The following CDS1 variants were observed in gnomAD, a reference collection of about 807,000 sequenced individuals.
CDS1 encodes the protein phosphatidate cytidylyltransferase 1.
In CDS1, 41 loss-of-function variants were observed where a neutral mutation model predicts 62.1. The observed-to-expected ratio is 0.66, with a 90% CI of 0.51 to 0.86. The LOEUF (loss-of-function observed/expected upper bound fraction) is 0.86. Among genes scored for constraint, CDS1 ranks in the 40% least tolerant of loss-of-function variants. The probability of loss-of-function intolerance (pLI) is 0.00; values close to 1 mark genes in which losing one functional copy is unlikely to be tolerated. For missense variants in CDS1, 470 were observed against 550.1 expected (o/e 0.85, Z 1.46); for synonymous variants, 185 against 192.6 (o/e 0.96, Z 0.32).
intron 3 of CDS1, among the ~76,000 whole-genome samples, chr4:84,616,648 G>A (rs949330014): frequency 2.6e-5 from 4 of 152,144 alleles, no homozygotes; most frequent in African/African-American, 9.7e-5. Context: ...TTCTCTAGAC[G>A]CTGAAAAGCT....
intron 6 of CDS1, 106 bp downstream of exon 6, chr4:84,631,983 C>T (rs1724036076): frequency 1.4e-6 from 1 of 706,642 alleles, no homozygotes; most frequent in Admixed American, 2.2e-5. Context: ...TGTTGTTTTG[C>T]ATGAATGTGA....
chr4:84,636,511 C>G (rs1470656453), intron 8 of CDS1, among the ~76,000 whole-genome samples: 1 of 152,030 alleles, frequency 6.6e-6, no homozygotes, highest in Non-Finnish European at 1.5e-5. Context: ...AAGAGCTCTT[C>G]TTTATTTTTG....
At chr4:84,647,317 TTTG>T (rs753676947) in intron 12 of CDS1, among the ~76,000 whole-genome samples, 5 of 152,180 alleles carry the variant, frequency 3.3e-5, no homozygotes, top group Non-Finnish European at 7.3e-5. Flanking sequence ...TCCTTAAAAC[TTTG>T]TTTTCAGAAT....
chr4:84,588,932 A>C (rs1722498216), intron 1 of CDS1, among the ~76,000 whole-genome samples: 1 of 152,108 alleles, frequency 6.6e-6, no homozygotes, highest in Admixed American at 6.6e-5. Flanking sequence ...AAGGCAGTTT[A>C]GTTTAGGGAA....
chr4:84,631,234 T>TC (rs1180855252), intron 5 of CDS1, among the ~76,000 whole-genome samples: 9 of 152,194 alleles, frequency 5.9e-5, no homozygotes, highest in Non-Finnish European at 1.3e-4. Flanking sequence ...AGCCCTGTGA[T>TC]CCTCAGTAAA....
chr4:84,585,466 A>G (rs1235987411), intron 1 of CDS1, among the ~76,000 whole-genome samples: 1 of 152,170 alleles, frequency 6.6e-6, no homozygotes, highest in Non-Finnish European at 1.5e-5. Context: ...GTGTATTTGA[A>G]TACACCTGTA....
intron 1 of CDS1, among the ~76,000 whole-genome samples, chr4:84,586,464 C>T (rs1045562948): frequency 6.6e-6 from 1 of 152,094 alleles, no homozygotes; most frequent in South Asian, 2.1e-4. Flanking sequence ...AGCCTAGATC[C>T]CTCGCATGTG....
chr4:84,623,194 C>T (rs1429314539), intron 5 of CDS1, among the ~76,000 whole-genome samples: 3 of 152,176 alleles, frequency 2.0e-5, no homozygotes, highest in Admixed American at 6.5e-5. Flanking sequence ...TGATTTGAGC[C>T]GGTTTCTTCC....
intron 1 of CDS1, among the ~76,000 whole-genome samples, chr4:84,600,534 T>C (rs1722904482): frequency 6.6e-6 from 1 of 152,212 alleles, no homozygotes; most frequent in African/African-American, 2.4e-5. Flanking sequence ...CAAGGTTTTT[T>C]GTTAAAATTG....
intron 11 of CDS1, among the ~76,000 whole-genome samples, chr4:84,644,489 T>A (rs1198427645): frequency 6.6e-6 from 1 of 152,236 alleles, no homozygotes; most frequent in Non-Finnish European, 1.5e-5. Flanking sequence ...AATCCAAGAT[T>A]TTTTGTTAAA....
intron 3 of CDS1, among the ~76,000 whole-genome samples, chr4:84,615,489 A>C (rs1723460632): frequency 6.7e-6 from 1 of 149,814 alleles, no homozygotes; most frequent in African/African-American, 2.5e-5. Context: ...TCTTCCAGCA[A>C]CTCCACCCTC....
chr4:84,590,153 A>G (rs867841345), intron 1 of CDS1, among the ~76,000 whole-genome samples: 5 of 152,312 alleles, frequency 3.3e-5, no homozygotes, highest in Non-Finnish European at 4.4e-5. Flanking sequence ...AGGATTGGGT[A>G]AGGGTCACAA....
intron 1 of CDS1, among the ~76,000 whole-genome samples, chr4:84,596,873 G>A (rs767305608): frequency 1.3e-5 from 2 of 152,032 alleles, no homozygotes; most frequent in Non-Finnish European, 2.9e-5. Flanking sequence ...GAAGAATACC[G>A]TAGCACAATA....
intron 5 of CDS1, among the ~76,000 whole-genome samples, chr4:84,627,265 A>C (rs775463465): frequency 2.0e-5 from 3 of 152,336 alleles, no homozygotes; most frequent in Non-Finnish European, 4.4e-5. Flanking sequence ...ATGGAGGTCC[A>C]TGAAATTAAA....
chr4:84,604,137 G>A, intron 1 of CDS1, 106 bp from the exon 2 acceptor site: 1 of 920,872 alleles, frequency 1.1e-6, no homozygotes, highest in Non-Finnish European at 1.7e-6. Context: ...CTTTGTTTCA[G>A]ATTATGTCAC....
chr4:84,602,136 CCTGCTA>C (rs547683803), intron 1 of CDS1, among the ~76,000 whole-genome samples: 4 of 152,214 alleles, frequency 2.6e-5, no homozygotes, highest in African/African-American at 7.2e-5. Flanking sequence ...AACAAGGGCC[CCTGCTA>C]CTCATTCTCA....
chr4:84,599,405 C>CACAT (rs1231093037), intron 1 of CDS1, among the ~76,000 whole-genome samples: 14 of 24,670 alleles, frequency 5.7e-4, no homozygotes, highest in African/African-American at 1.3e-3. Flanking sequence ...CACACACACA[C>CACAT]ATATATATAT....
chr4:84,608,429 C>T (rs1164573129), intron 2 of CDS1, among the ~76,000 whole-genome samples: 2 of 152,148 alleles, frequency 1.3e-5, no homozygotes, highest in African/African-American at 4.8e-5. Context: ...CCACCTCGGC[C>T]TCCCAAAGTG....
intron 5 of CDS1, 108 bp downstream of exon 5, chr4:84,619,641 C>A: frequency 1.6e-6 from 1 of 624,716 alleles, no homozygotes; most frequent in Non-Finnish European, 2.5e-6. Context: ...TTATTCCAGC[C>A]TCTCTTTTTC....
Sources: allele counts gnomAD v4.1 joint callset (sites outside exome capture counted in the v4.1 genomes callset), GRCh38; gene constraint gnomAD v4.1.1; transcripts MANE v1.5; gene names NCBI Gene and HGNC (gene_info 2026-07-23, HGNC 2026-07-21).